Variants in DNAH9 observed in about 807,000 individuals in gnomAD.
DNAH9 encodes DNAH9 variant protein.
A neutral mutation model predicts 471.6 loss-of-function variants in DNAH9; 345 were observed. The observed-to-expected ratio is 0.73, with a 90% CI of 0.67 to 0.80. The LOEUF (loss-of-function observed/expected upper bound fraction) is 0.80. DNAH9 is among the 30% of genes least tolerant of loss of function. The pLI, the probability that DNAH9 is intolerant of heterozygous loss-of-function variation, is 0.00. For missense variants in DNAH9, 5,407 were observed against 5,609.2 expected (o/e 0.96, Z 1.15); for synonymous variants, 2,093 against 2,123.6 (o/e 0.99, Z 0.40).
At chr17:11,634,218 C>T (rs1180247360) in intron 8 of DNAH9, among the ~76,000 whole-genome samples, 1 of 152,164 alleles carries the variant, frequency 6.6e-6, no homozygotes, top group Non-Finnish European at 1.5e-5. Context: ...AACCATAACC[C>T]TCCGATCCCT....
At chr17:11,607,990 C>T (rs772194917) in intron 1 of DNAH9, 139 bp from the exon 2 acceptor site, 12 of 593,264 alleles carry the variant, frequency 2.0e-5, no homozygotes, top group East Asian at 8.2e-5. Context: ...ATGTAATGTT[C>T]GACCCTATTA....
chr17:11,749,744 C>T (rs946685391), intron 32 of DNAH9, among the ~76,000 whole-genome samples: 13 of 152,018 alleles, frequency 8.6e-5, no homozygotes, highest in Admixed American at 2.6e-4. Context: ...TATCCTTTCC[C>T]TCTGAATTTA....
intron 24 of DNAH9, among the ~76,000 whole-genome samples, chr17:11,702,849 T>C (rs1253149696): frequency 6.6e-6 from 1 of 151,848 alleles, no homozygotes; most frequent in Non-Finnish European, 1.5e-5. Context: ...TCCCAGCACT[T>C]TGGGAGGCTG....
At position 11,608,141 on chromosome 17, in the gene DNAH9, G is replaced by C. The variant is rs984430231; in HGVS notation, c.430G>C (p.Val144Leu). 5.0e-6 allele frequency: 8 copies of C among 1,606,502 alleles called. No homozygotes were observed. The highest frequency in any genetic ancestry group is 2.2e-5 in the South Asian group (2 of 90,626). Residue 144 changes from valine to leucine, a missense_variant, in exon 2 of 69, where the codon GTC (valine) becomes CTC (leucine). Coordinates refer to ENST00000262442, the MANE Select transcript of DNAH9 (RefSeq NM_001372.4). Reference sequence around the variant, plus strand: ...ACCTCTGTTCCAGGTTGTTCTACCCGTCCTGGCCAATGAGAAGAATCGCCT... The same window carrying C: ...ACCTCTGTTCCAGGTTGTTCTACCCCTCCTGGCCAATGAGAAGAATCGCCT... The part of the protein sequence containing the change: ...AALFSEVVLP[V>L]LANEKNRLNW...
chr17:11,941,779 A>C (rs991120653), intron 66 of DNAH9, among the ~76,000 whole-genome samples: 3 of 151,934 alleles, frequency 2.0e-5, no homozygotes, highest in Non-Finnish European at 4.4e-5. Flanking sequence ...GACAGATTAG[A>C]TAGATGATAG....
At chr17:11,708,010 CACACAGAGAGAGAG>C (rs909038546) in intron 26 of DNAH9, among the ~76,000 whole-genome samples, 8 of 48,290 alleles carry the variant, frequency 1.7e-4, no homozygotes, top group African/African-American at 4.9e-4. Context: ...CACACACACA[CACACAGAGAGAGAG>C]AGAGAGAGAG....
intron 61 of DNAH9, among the ~76,000 whole-genome samples, chr17:11,923,565 C>T (rs949719564): frequency 6.6e-6 from 1 of 152,144 alleles, no homozygotes; most frequent in African/African-American, 2.4e-5. Context: ...CTCGCCTCGG[C>T]CTCCCAAAGT....
At chr17:11,653,348 C>G (rs571770806) in intron 14 of DNAH9, among the ~76,000 whole-genome samples, 1 of 152,276 alleles carries the variant, frequency 6.6e-6, no homozygotes, top group East Asian at 1.9e-4. Context: ...CTTGCCCACA[C>G]AACATATTGT....
chr17:11,766,179 G>C (rs1967927476), intron 36 of DNAH9, among the ~76,000 whole-genome samples: 1 of 151,978 alleles, frequency 6.6e-6, no homozygotes, highest in Non-Finnish European at 1.5e-5. Context: ...GCTGTCAATA[G>C]GAAGGTAGGA....
At chr17:11,883,452 G>T (rs975886333) in intron 55 of DNAH9, 134 bp from the exon 56 acceptor site, 1 of 1,225,212 alleles carries the variant, frequency 8.2e-7, no homozygotes, top group Non-Finnish European at 1.1e-6. Context: ...CCTGCTCATG[G>T]TCTGAAGCTC....
At chr17:11,850,438 C>T (rs1971375018) in intron 49 of DNAH9, among the ~76,000 whole-genome samples, 1 of 152,110 alleles carries the variant, frequency 6.6e-6, no homozygotes, top group African/African-American at 2.4e-5. Flanking sequence ...CATTTGAGGT[C>T]AGGAGTTCAA....
chr17:11,606,352 G>A (rs987612851), intron 1 of DNAH9, among the ~76,000 whole-genome samples: 1 of 150,964 alleles, frequency 6.6e-6, no homozygotes, highest in African/African-American at 2.4e-5. Context: ...GCATCTGTTT[G>A]TCTTTCTGGT....
chr17:11,896,059 G>C (rs1363964922), intron 59 of DNAH9, among the ~76,000 whole-genome samples: 1 of 152,070 alleles, frequency 6.6e-6, no homozygotes, highest in South Asian at 2.1e-4. Flanking sequence ...TCTGCAAAGG[G>C]CCACTTAGTA....
intron 66 of DNAH9, among the ~76,000 whole-genome samples, chr17:11,941,771 CAGATT>C (rs1324118675): frequency 6.6e-6 from 1 of 151,684 alleles, no homozygotes; most frequent in Non-Finnish European, 1.5e-5. Flanking sequence ...AGATGAATGA[CAGATT>C]AGATAGATGA....
intron 49 of DNAH9, among the ~76,000 whole-genome samples, chr17:11,843,841 TTGTGTG>T (rs370150805): frequency 7.2e-5 from 5 of 69,856 alleles, no homozygotes; most frequent in South Asian, 1.1e-3. Context: ...GTATATGTGT[TTGTGTG>T]TGTGTGTGTG....
chr17:11,666,022 G>A (rs1453619956), intron 15 of DNAH9, among the ~76,000 whole-genome samples: 1 of 152,138 alleles, frequency 6.6e-6, no homozygotes, highest in African/African-American at 2.4e-5. Flanking sequence ...GGATACAGGG[G>A]TGCTCCAAAC....
chr17:11,693,890 T>A lies in DNAH9; in HGVS notation c.4637T>A (p.Ile1546Asn), dbSNP rs777116347. Reference protein sequence around the residue: ...LPQDSKRFEGIDIDFKELAYD... With the variant: ...LPQDSKRFEGNDIDFKELAYD... ...CAGGATTCTAAAAGGTTTGAAGGCA[T>A]CGACATTGACTTTAAAGAGCTAGCT... is the stretch of plus-strand genomic sequence containing the variant. Residue 1546 changes from isoleucine to asparagine, a missense_variant, in exon 21 of 69, where the codon ATC becomes AAC. Transcript: ENST00000262442. 6.2e-7 allele frequency: 1 copy of A among 1,614,174 alleles called. No individual in the cohort carries two copies.
At chr17:11,630,910 C>G (rs1440849734) in intron 7 of DNAH9, among the ~76,000 whole-genome samples, 1 of 152,056 alleles carries the variant, frequency 6.6e-6, no homozygotes. Flanking sequence ...TATATGTATA[C>G]AATTTTTATT....
chr17:11,758,137 C>T lies in DNAH9; in HGVS notation c.6995+445C>T, dbSNP rs77915141. Among the ~76,000 whole-genome samples the T allele has an allele frequency of 5.1e-3, 776 of 152,250 alleles. 5 individuals carry two copies. The highest frequency in any genetic ancestry group is 0.018 in the African/African-American group (758 of 41,542). On this transcript the variant is annotated intron_variant, in intron 35 of 68. Transcript: ENST00000262442. ...CCCCGTCCCTGGCTGTGTGTGTTCA[C>T]GGCCCAGATAATGTGGGTATAATGT...
Sources: allele counts gnomAD v4.1 joint callset (sites outside exome capture counted in the v4.1 genomes callset), GRCh38; gene constraint gnomAD v4.1.1; transcripts MANE v1.5; gene names NCBI Gene and HGNC (gene_info 2026-07-23, HGNC 2026-07-21).